The following ZNF30 variants were observed in gnomAD, a reference collection of about 807,000 sequenced individuals.
ZNF30 encodes the protein zinc finger protein 30 (KOX 28).
Under a neutral mutation model 13.2 loss-of-function variants are expected in ZNF30, and 15 were observed. The ratio of observed to expected loss-of-function variants is 1.13; its 90% CI spans 0.76 to 1.75. ZNF30 has a LOEUF of 1.75. Among genes scored for constraint, ZNF30 ranks in the 40% most tolerant of loss-of-function variants. The probability of loss-of-function intolerance (pLI) is 0.00; values close to 1 mark genes in which losing one functional copy is unlikely to be tolerated. For missense variants in ZNF30, 726 were observed against 757.0 expected (o/e 0.96, Z 0.48); for synonymous variants, 223 against 256.6 (o/e 0.87, Z 1.25).
chr19:34,944,988 G>T lies in ZNF30; in HGVS notation c.*150G>T, dbSNP rs914356161. ...TCATAATATAACTCAGAAAACATAAGAATATTCCTTTGTCATTTATAGGTT... is the reference window on the plus strand; with the variant it reads ...TCATAATATAACTCAGAAAACATAATAATATTCCTTTGTCATTTATAGGTT... On this transcript the variant is annotated 3_prime_UTR_variant, in exon 5 of 5. Coordinates refer to ENST00000601142, the MANE Select transcript of ZNF30 (RefSeq NM_194325.3). 2 of 746,550 alleles carry T rather than the reference G, an allele frequency of 2.7e-6. No individual in the cohort carries two copies. The highest frequency in any genetic ancestry group is 2.8e-5 in the East Asian group (1 of 36,112). The allele number at this position is 746,550 out of a possible 1,614,324, so 46.2% of individuals were successfully genotyped here.
chr19:34,937,077 T>C (rs10414362), intron 4 of ZNF30, among the ~76,000 whole-genome samples: 64,560 of 151,578 alleles, frequency 0.43, 15,369 homozygotes, highest in African/African-American at 0.66. Context: ...AGTGGTGCGA[T>C]CTCAGCTCAC....
intron 1 of ZNF30, among the ~76,000 whole-genome samples, chr19:34,928,984 A>G (rs2012285236): frequency 6.6e-6 from 1 of 151,630 alleles, no homozygotes; most frequent in African/African-American, 2.4e-5. Flanking sequence ...GGGAGCTACC[A>G]TAGTAAGAGC....
chr19:34,925,745 G>A (rs1568532020), upstream of ZNF30, among the ~76,000 whole-genome samples: 1 of 152,150 alleles, frequency 6.6e-6, no homozygotes, highest in Non-Finnish European at 1.5e-5. Context: ...CCTGTACCCA[G>A]CACCTCCCTT....
rs2012478138 is a variant in ZNF30 at position 34,931,984 on chromosome 19, G to A, written c.151G>A (p.Val51Met). The change falls in exon 3 of 5, where the codon GTG becomes ATG. Residue 51 changes from valine (V) to methionine (M), a missense_variant. Coordinates refer to ENST00000601142, the MANE Select transcript of ZNF30 (RefSeq NM_194325.3). ...GATGTTGGAGAACTACAGGAACTTG[G>A]TGTCAATGGGTAAGTGTACTTCTCT... ...DVMLENYRNLVSMGHSRSKPH... is the reference protein window; with the variant it reads ...DVMLENYRNLMSMGHSRSKPH... 8 of 1,596,672 alleles carry A rather than the reference G, an allele frequency of 5.0e-6. No homozygotes were observed. The highest frequency in any genetic ancestry group is 6.8e-6 in the Non-Finnish European group (8 of 1,174,110).
chr19:34,924,705 C>T (rs952246427), upstream of ZNF30, among the ~76,000 whole-genome samples: 8 of 152,148 alleles, frequency 5.3e-5, no homozygotes, highest in Admixed American at 3.3e-4. Flanking sequence ...GGTCTATCAC[C>T]TTCTTATTTG....
chr19:34,944,386 C>G lies in ZNF30; in HGVS notation c.1420C>G (p.His474Asp). 2 of 1,614,152 alleles carry G rather than the reference C, an allele frequency of 1.2e-6. No homozygotes were observed. The highest frequency in any genetic ancestry group is 1.6e-4 in the Middle Eastern group (1 of 6,062). ...AFRVHVHLTQ[H>D]RKIHTDVKPY... Reference sequence around the variant, plus strand: ...CAGAGTGCACGTACATCTCACACAGCATCGGAAAATTCATACTGATGTAAA... The same window carrying G: ...CAGAGTGCACGTACATCTCACACAGGATCGGAAAATTCATACTGATGTAAA... Residue 474 changes from histidine (H) to aspartate (D), a missense_variant, in exon 5 of 5, where the codon CAT becomes GAT. Physicochemically the swap from His to Asp is moderately conservative, Grantham distance 81. Transcript: ENST00000601142.
chr19:34,926,122 C>T (rs572401807), upstream of ZNF30, among the ~76,000 whole-genome samples: 31 of 152,236 alleles, frequency 2.0e-4, no homozygotes, highest in African/African-American at 6.7e-4. Context: ...TACAGTAAGC[C>T]GAGATAGCGC....
upstream of ZNF30, among the ~76,000 whole-genome samples, chr19:34,926,469 C>T (rs1420283827): frequency 6.6e-6 from 1 of 152,114 alleles, no homozygotes; most frequent in African/African-American, 2.4e-5. Context: ...AGATAGAACC[C>T]ACAAAATTTA....
At position 34,943,355 on chromosome 19, in the gene ZNF30, G is replaced by A. The variant is rs894549551; in HGVS notation, c.389G>A (p.Cys130Tyr). The change falls in exon 5 of 5, where the codon TGT becomes TAT. Residue 130 changes from cysteine to tyrosine, a missense_variant. Physicochemically the swap from Cys to Tyr is radical, Grantham distance 194. Transcript: ENST00000601142. ...RECQEYGKTL[C>Y]QDSKPVQHER... ...TGTCAGGAATATGGAAAGACCCTTT[G>A]TCAAGACTCAAAGCCTGTTCAACAT... 3.1e-6 allele frequency: 5 copies of A among 1,613,948 alleles called. No individual in the cohort carries two copies. Among genetic ancestry groups the A allele is most frequent in the Non-Finnish European group, 4.2e-6 (5 of 1,179,886 alleles).
chr19:34,928,239 A>ATG (rs2012214792), intron 1 of ZNF30, among the ~76,000 whole-genome samples: 1 of 79,382 alleles, frequency 1.3e-5, no homozygotes, highest in Non-Finnish European at 2.1e-5. Flanking sequence ...ATATATATAT[A>ATG]TATATATATA....
At chr19:34,925,844 C>A (rs1345034274), upstream of ZNF30, among the ~76,000 whole-genome samples, 1 of 151,964 alleles carries the variant, frequency 6.6e-6, no homozygotes, top group Non-Finnish European at 1.5e-5. Context: ...TCACCCTGGA[C>A]TGACTCCAGG....
intron 4 of ZNF30, among the ~76,000 whole-genome samples, chr19:34,939,277 G>T (rs1260386266): frequency 6.6e-6 from 1 of 151,512 alleles, no homozygotes; most frequent in African/African-American, 2.4e-5. Flanking sequence ...CGCCTCCCAG[G>T]TTCAAGCAAT....
At chr19:34,933,911 T>G (rs2651100) in intron 4 of ZNF30, among the ~76,000 whole-genome samples, 188 bp downstream of exon 4, 2 of 151,916 alleles carry the variant, frequency 1.3e-5, no homozygotes, top group Non-Finnish European at 2.9e-5. Flanking sequence ...TCATCTTTAC[T>G]TATTTTAATA....
chr19:34,938,250 A>T (rs1168389145), intron 4 of ZNF30, among the ~76,000 whole-genome samples: 3 of 152,198 alleles, frequency 2.0e-5, no homozygotes, highest in South Asian at 2.1e-4. Flanking sequence ...AAGAGATTTT[A>T]AAAAATAATA....
rs770503104 is a variant in ZNF30 at position 34,943,435 on chromosome 19, T to A, written c.469T>A (p.Phe157Ile). The A allele has an allele frequency of 6.2e-7, 1 of 1,613,928 alleles. No homozygotes were observed. Among genetic ancestry groups the A allele is most frequent in the Admixed American group, 1.7e-5 (1 of 60,020 alleles). ...PNRCKECGKN[F>I]SNGHQLTIHQ... ...CAGATGTAAAGAATGTGGGAAGAACTTTAGTAATGGACATCAACTCACCAT... is the reference window on the plus strand; with the variant it reads ...CAGATGTAAAGAATGTGGGAAGAACATTAGTAATGGACATCAACTCACCAT... Residue 157 changes from phenylalanine (F) to isoleucine (I), a missense_variant, in exon 5 of 5, where the codon TTT becomes ATT. Coordinates refer to ENST00000601142, the MANE Select transcript of ZNF30 (RefSeq NM_194325.3).
At chr19:34,935,047 G>A (rs1486678570) in intron 4 of ZNF30, among the ~76,000 whole-genome samples, 1 of 152,024 alleles carries the variant, frequency 6.6e-6, no homozygotes, top group African/African-American at 2.4e-5. Context: ...GGCTAACATG[G>A]TAAAACCCCG....
rs2012474621 is a variant in ZNF30 at position 34,931,935 on chromosome 19, C to T, written c.102C>T (p.Ser34=). 1 of 1,612,986 alleles carries T rather than the reference C, an allele frequency of 6.2e-7. No individual in the cohort carries two copies. The highest frequency in any genetic ancestry group is 1.7e-5 in the Admixed American group (1 of 59,810). The part of the protein sequence containing the change: ...SQQEWESLDS[S]QRGLYRDVML... Reference sequence around the variant, plus strand: ...AGGAGTGGGAGAGTCTGGACTCTTCCCAGAGGGGCTTGTACAGAGATGTGA... The same window carrying T: ...AGGAGTGGGAGAGTCTGGACTCTTCTCAGAGGGGCTTGTACAGAGATGTGA... Residue 34 remains serine (S), a synonymous_variant, in exon 3 of 5, where the codon TCC becomes TCT. Coordinates refer to ENST00000601142, the MANE Select transcript of ZNF30 (RefSeq NM_194325.3).
intron 3 of ZNF30, among the ~76,000 whole-genome samples, chr19:34,932,329 G>A (rs528947744): frequency 4.8e-4 from 73 of 152,064 alleles, no homozygotes; most frequent in Admixed American, 2.9e-3. Context: ...ATATGCCGGC[G>A]GATTGGATAA....
Position 34,944,750 on chromosome 19 carries a change from C to A in ZNF30, c.1784C>A (p.Pro595His), listed in dbSNP as rs186126754. The A allele has an allele frequency of 1.1e-4, 182 of 1,613,744 alleles. 1 individual carries two copies. In the African/African-American group the frequency reaches 2.0e-3, roughly 18 times the overall value. Residue 595 changes from proline to histidine, a missense_variant, in exon 5 of 5, where the codon CCC (proline) becomes CAC (histidine). Physicochemically the swap from Pro to His is moderately conservative, Grantham distance 77. Transcript: ENST00000601142. ...EHQRVHTGEKPFKCKKCGKTF... is the reference protein window; with the variant it reads ...EHQRVHTGEKHFKCKKCGKTF... ...CAGCGGGTACACACTGGTGAGAAAC[C>A]CTTTAAATGCAAAAAATGTGGGAAG... is the stretch of plus-strand genomic sequence containing the variant.
Sources: gnomAD v4.1 joint callset for allele counts (sites outside exome capture counted in the v4.1 genomes callset) on GRCh38, gnomAD v4.1.1 for gene constraint, MANE v1.5 for transcripts, NCBI Gene and HGNC (gene_info 2026-07-23, HGNC 2026-07-21) for gene names.